The following FSAF1 variants were observed in gnomAD, a reference collection of about 807,000 sequenced individuals.
FSAF1 encodes the protein 40S small subunit processome assembly factor 1, also known as uncharacterized protein C1orf131.
chr1:231,238,675 A>G, the FSAF1 span: 2 of 539,588 alleles, frequency 3.7e-6, no homozygotes, highest in South Asian at 3.1e-5. Flanking sequence ...AACTAAGGTC[A>G]GTCTGTAGGC....
chr1:231,228,711 G>A, the FSAF1 span, among the ~76,000 whole-genome samples: 1 of 152,176 alleles, frequency 6.6e-6, no homozygotes, highest in Non-Finnish European at 1.5e-5. Flanking sequence ...TTTGGGCCGG[G>A]TGCAGTGGCT....
chr1:231,237,633 G>A, the FSAF1 span: 1 of 152,348 alleles, frequency 6.6e-6, no homozygotes, highest in African/African-American at 2.4e-5. Context: ...CTCCCCCAAA[G>A]CCCTCAGAGG....
the FSAF1 span, chr1:231,225,517 C>T: frequency 1.9e-6 from 3 of 1,613,228 alleles, no homozygotes; most frequent in Non-Finnish European, 8.5e-7. Flanking sequence ...ATATCTGTTT[C>T]TTGGGCCTGA....
chr1:231,229,209 G>A, the FSAF1 span: 1 of 1,570,034 alleles, frequency 6.4e-7, no homozygotes, highest in Non-Finnish European at 8.7e-7. Context: ...GGATTAGCCT[G>A]CTGAGAGAAA....
chr1:231,241,113 G>C, the FSAF1 span: 1 of 1,613,488 alleles, frequency 6.2e-7, no homozygotes, highest in African/African-American at 1.3e-5. Context: ...CTGCGACATT[G>C]TGGGGTCAGC....
At chr1:231,235,226 C>T in the FSAF1 span, among the ~76,000 whole-genome samples, 4 of 152,166 alleles carry the variant, frequency 2.6e-5, no homozygotes, top group Non-Finnish European at 4.4e-5. Flanking sequence ...ATGGGCCGGA[C>T]GCAGTGGCTC....
chr1:231,236,396 C>A, the FSAF1 span, among the ~76,000 whole-genome samples: 1 of 151,916 alleles, frequency 6.6e-6, no homozygotes, highest in African/African-American at 2.4e-5. Flanking sequence ...GAGGAAAGGG[C>A]AGAGAGCAGC....
the FSAF1 span, chr1:231,225,467 T>C: frequency 1.2e-6 from 2 of 1,613,362 alleles, no homozygotes; most frequent in African/African-American, 1.3e-5. Flanking sequence ...ATAAAATCAC[T>C]CACCTGTCCT....
the FSAF1 span, chr1:231,223,929 T>C: frequency 5.6e-6 from 1 of 179,428 alleles, no homozygotes; most frequent in Non-Finnish European, 1.2e-5. Flanking sequence ...GGCAATTTAA[T>C]GTAAACTACT....
At chr1:231,229,157 A>G in the FSAF1 span, 1 of 1,562,872 alleles carries the variant, frequency 6.4e-7, no homozygotes, top group Non-Finnish European at 8.7e-7. Context: ...TACTTTTTCT[A>G]GGTTAAATTC....
the FSAF1 span, chr1:231,229,336 C>A: frequency 1.9e-6 from 1 of 520,124 alleles, no homozygotes; most frequent in South Asian, 4.4e-5. Context: ...TGGCTACTGT[C>A]CAAAAACCAG....
chr1:231,225,252 G>A, the FSAF1 span: 4 of 572,128 alleles, frequency 7.0e-6, no homozygotes, highest in Admixed American at 3.0e-5. Context: ...TTAGAGTGTC[G>A]GTGAAAAGTG....
At chr1:231,224,348 G>T in the FSAF1 span, 10 of 1,612,846 alleles carry the variant, frequency 6.2e-6, no homozygotes, top group Admixed American at 3.3e-5. Flanking sequence ...TTCCATTTTT[G>T]AATTTTCCAA....
chr1:231,238,840 G>A, the FSAF1 span: 1 of 1,598,606 alleles, frequency 6.3e-7, no homozygotes, highest in Non-Finnish European at 8.5e-7. Context: ...GTATATATAA[G>A]CTAACCAACT....
chr1:231,224,207 G>C, the FSAF1 span: 57 of 1,485,988 alleles, frequency 3.8e-5, no homozygotes, highest in Non-Finnish European at 5.1e-5. Context: ...GATCTATCTA[G>C]AGTCGCACAG....
chr1:231,229,180 A>T, the FSAF1 span: 1 of 1,585,286 alleles, frequency 6.3e-7, no homozygotes, highest in Non-Finnish European at 8.6e-7. Context: ...GTGTATCCAC[A>T]TCTCTCTCCA....
the FSAF1 span, chr1:231,225,998 CAAAAAAAAA>C: frequency 3.5e-5 from 1 of 28,366 alleles, no homozygotes; most frequent in Non-Finnish European, 6.1e-5. Flanking sequence ...ACGTAAAATG[CAAAAAAAAA>C]AAAAAAAAAA....
chr1:231,240,996 A>T, the FSAF1 span: 1 of 1,589,868 alleles, frequency 6.3e-7, no homozygotes, highest in Non-Finnish European at 8.6e-7. This position sits in a 1 kb window ranked among gnomAD's most constrained non-coding sequence, Gnocchi z 4.1. Context: ...TCTGTTCTCC[A>T]CGTGGGCTCC....
At chr1:231,233,646 G>A in the FSAF1 span, among the ~76,000 whole-genome samples, 14 of 152,184 alleles carry the variant, frequency 9.2e-5, no homozygotes, top group South Asian at 6.2e-4. Context: ...TCCGCCTACC[G>A]GGTTCAAGCG....
Sources: gnomAD v4.1 joint callset for allele counts (sites outside exome capture counted in the v4.1 genomes callset) on GRCh38, gnomAD v4.1.1 for gene constraint, Gnocchi (gnomAD v3.1) non-coding constraint, MANE v1.5 for transcripts, NCBI Gene and HGNC (gene_info 2026-07-23, HGNC 2026-07-21) for gene names.